Variants in PTPRN2 observed in about 807,000 individuals in gnomAD.
PTPRN2 encodes receptor-type tyrosine-protein phosphatase N2.
PTPRN2 carries 74 observed loss-of-function variants against 118.8 expected under a neutral mutation model. The observed-to-expected ratio is 0.62, with a 90% CI of 0.52 to 0.76. PTPRN2 has a LOEUF of 0.76. Among genes scored for constraint, PTPRN2 ranks in the 30% least tolerant of loss-of-function variants. PTPRN2 has a pLI of 0.00. For synonymous variants in PTPRN2, 641 were observed against 608.0 expected (o/e 1.05, Z -0.80); for missense variants, 1,481 against 1,394.4 (o/e 1.06, Z -0.99).
chr7:157,956,453 G>T (rs1801192849), intron 11 of PTPRN2, among the ~76,000 whole-genome samples: 1 of 152,234 alleles, frequency 6.6e-6, no homozygotes, highest in East Asian at 1.9e-4. Flanking sequence ...GTCCCTGGCT[G>T]AAGAAATGCT....
intron 2 of PTPRN2, among the ~76,000 whole-genome samples, chr7:158,385,351 C>G (rs765330550): frequency 3.9e-5 from 6 of 152,162 alleles, no homozygotes; most frequent in Non-Finnish European, 8.8e-5. Flanking sequence ...ACTCTGATGA[C>G]ATTTCAGATT....
chr7:158,484,849 C>G (rs896238913), intron 2 of PTPRN2, among the ~76,000 whole-genome samples: 1 of 152,184 alleles, frequency 6.6e-6, no homozygotes, highest in African/African-American at 2.4e-5. Context: ...CTGCCCTCTT[C>G]AGTGGAGAAA....
At chr7:158,312,393 T>C (rs1219844553) in intron 3 of PTPRN2, among the ~76,000 whole-genome samples, 1 of 144,910 alleles carries the variant, frequency 6.9e-6, no homozygotes, top group East Asian at 2.1e-4. Flanking sequence ...TACCTGTACA[T>C]GCACTCACAT....
chr7:158,257,255 G>A (rs1211964954), intron 3 of PTPRN2, among the ~76,000 whole-genome samples: 5 of 152,162 alleles, frequency 3.3e-5, no homozygotes, highest in East Asian at 1.9e-4. Flanking sequence ...CGCGGAACCC[G>A]ACCCCTCAGG....
At chr7:157,820,472 C>A (rs1303162575) in intron 12 of PTPRN2, among the ~76,000 whole-genome samples, 1 of 151,222 alleles carries the variant, frequency 6.6e-6, no homozygotes, top group Non-Finnish European at 1.5e-5. Flanking sequence ...CACAAACACC[C>A]ACACTCATAC....
At chr7:158,071,105 G>C (rs915683701) in intron 11 of PTPRN2, among the ~76,000 whole-genome samples, 8 of 49,934 alleles carry the variant, frequency 1.6e-4, no homozygotes, top group South Asian at 8.2e-4. Context: ...GGAGGTGCTC[G>C]TGGTGGTGGA....
intron 3 of PTPRN2, among the ~76,000 whole-genome samples, chr7:158,271,319 G>C (rs1252979736): frequency 1.3e-5 from 2 of 152,232 alleles, no homozygotes; most frequent in Non-Finnish European, 2.9e-5. Context: ...TCCACACACT[G>C]CATAATTAAC....
intron 11 of PTPRN2, among the ~76,000 whole-genome samples, chr7:157,937,470 C>T (rs550694112): frequency 3.3e-5 from 5 of 152,210 alleles, no homozygotes; most frequent in Non-Finnish European, 7.3e-5. Context: ...ACTACTAAGC[C>T]GCTGTTGTCA....
chr7:158,364,980 TTCACAC>T (rs1036444313), intron 2 of PTPRN2, among the ~76,000 whole-genome samples: 2 of 11,988 alleles, frequency 1.7e-4, no homozygotes, highest in African/African-American at 9.2e-4. Context: ...AACACACACA[TTCACAC>T]ACACACACGC....
chr7:158,215,025 T>G (rs1203846073), intron 3 of PTPRN2, among the ~76,000 whole-genome samples: 1 of 151,494 alleles, frequency 6.6e-6, no homozygotes, highest in South Asian at 2.1e-4. Context: ...AAAGAGACAA[T>G]CCACAGAAAC....
chr7:158,015,461 G>A lies in PTPRN2; in HGVS notation c.1723+65837C>T, dbSNP rs1806377829. Among the ~76,000 whole-genome samples the A allele has an allele frequency of 6.6e-6, 1 of 151,624 alleles. No homozygotes were observed. The highest frequency in any genetic ancestry group is 2.0e-4 in the East Asian group (1 of 5,116). On this transcript the variant is annotated intron_variant, in intron 11 of 22. Coordinates refer to ENST00000389418, the MANE Select transcript of PTPRN2 (RefSeq NM_002847.5). The surrounding 1 kb of genome is among the most constrained non-coding windows in gnomAD (Gnocchi z 4.2). The stretch of plus-strand genomic sequence containing the variant: ...AAGTGAGAGGAGGGGTGGTGAGAGA[G>A]AGAGAGAGAGGAAGAGAGGGAGAGA...
At chr7:158,262,346 C>A (rs1797474562) in intron 3 of PTPRN2, among the ~76,000 whole-genome samples, 1 of 142,540 alleles carries the variant, frequency 7.0e-6, no homozygotes, top group Admixed American at 6.9e-5. Flanking sequence ...CACACATATT[C>A]ACACACACTG....
chr7:158,251,909 A>C (rs1410664242), intron 3 of PTPRN2, among the ~76,000 whole-genome samples: 3 of 152,152 alleles, frequency 2.0e-5, no homozygotes, highest in Non-Finnish European at 2.9e-5. Context: ...TGAAGCCTCC[A>C]TTCCATTGTT....
chr7:157,642,028 C>T (rs1278886572), intron 14 of PTPRN2, among the ~76,000 whole-genome samples: 1 of 152,196 alleles, frequency 6.6e-6, no homozygotes, highest in Non-Finnish European at 1.5e-5. Context: ...GCTGTCTTCA[C>T]CGACCAAAAC....
intron 3 of PTPRN2, among the ~76,000 whole-genome samples, chr7:158,273,268 C>T (rs1279537977): frequency 6.6e-6 from 1 of 152,336 alleles, no homozygotes. Context: ...TGACACCGAA[C>T]GTTTATGGCC....
At chr7:158,527,194 C>T (rs760863853) in intron 1 of PTPRN2, among the ~76,000 whole-genome samples, 1 of 151,988 alleles carries the variant, frequency 6.6e-6, no homozygotes, top group Admixed American at 6.5e-5. Context: ...CTTCCCGCAC[C>T]GTGGGCCTGG....
chr7:158,359,648 C>A (rs925542327), intron 2 of PTPRN2, among the ~76,000 whole-genome samples: 2 of 152,138 alleles, frequency 1.3e-5, no homozygotes, highest in Admixed American at 6.5e-5. Flanking sequence ...ATTACTGCAC[C>A]GTGACCATGG....
chr7:158,187,573 G>A (rs1402062482), intron 5 of PTPRN2, among the ~76,000 whole-genome samples: 1 of 152,194 alleles, frequency 6.6e-6, no homozygotes, highest in Non-Finnish European at 1.5e-5. Context: ...AGATGACTAA[G>A]AGCTTTCTCC....
intron 3 of PTPRN2, among the ~76,000 whole-genome samples, chr7:158,214,125 T>G (rs1246529265): frequency 6.6e-6 from 1 of 152,018 alleles, no homozygotes; most frequent in Non-Finnish European, 1.5e-5. Context: ...GTATGGGAGT[T>G]TAAGCATCTC....
Sources: allele counts gnomAD v4.1 joint callset (sites outside exome capture counted in the v4.1 genomes callset), GRCh38; gene constraint gnomAD v4.1.1; non-coding constraint Gnocchi (gnomAD v3.1); transcripts MANE v1.5; gene names NCBI Gene and HGNC (gene_info 2026-07-23, HGNC 2026-07-21).